ADGRL4: variants seen among roughly 807,000 people sequenced by gnomAD.
ADGRL4 encodes EGF, latrophilin and seven transmembrane domain containing 1.
ADGRL4 carries 90 observed loss-of-function variants against 74.8 expected under a neutral mutation model. The ratio of observed to expected loss-of-function variants is 1.20; its 90% CI spans 1.02 to 1.43. The LOEUF (loss-of-function observed/expected upper bound fraction) is 1.43, where lower values mean the gene tolerates loss of function less well. Among genes scored for constraint, ADGRL4 ranks in the 40% most tolerant of loss-of-function variants. The probability of loss-of-function intolerance (pLI) is 0.00; values close to 1 mark genes in which losing one functional copy is unlikely to be tolerated. For synonymous variants in ADGRL4, 311 were observed against 279.2 expected (o/e 1.11, Z -1.14); for missense variants, 881 against 814.3 (o/e 1.08, Z -1.00).
Position 78,936,417 on chromosome 1 carries a change from A to G in ADGRL4, c.761-6T>C. 1.3e-6 allele frequency: 2 copies of G among 1,563,886 alleles called. No individual in the cohort carries two copies. Among genetic ancestry groups the G allele is most frequent in the Non-Finnish European group, 1.7e-6 (2 of 1,160,322 alleles). On this transcript the variant is annotated splice_polypyrimidine_tract_variant and splice_region_variant and intron_variant, in intron 6 of 14. Transcript: ENST00000370742. Reference sequence around the variant, plus strand: ...AAAAAAGAAAACTTTGAGAGCTGAAACAAAACCATGAAAATAAAAAAAGTG... The same window carrying G: ...AAAAAAGAAAACTTTGAGAGCTGAAGCAAAACCATGAAAATAAAAAAAGTG...
At chr1:78,919,508 G>T (rs957091335) in intron 10 of ADGRL4, among the ~76,000 whole-genome samples, 4 of 151,866 alleles carry the variant, frequency 2.6e-5, no homozygotes, top group Admixed American at 6.6e-5. Context: ...CTTTTCCTTA[G>T]AACTGCATTA....
intron 2 of ADGRL4, among the ~76,000 whole-genome samples, chr1:78,985,489 T>C (rs904030628): frequency 1.4e-4 from 22 of 151,822 alleles, no homozygotes; most frequent in African/African-American, 4.6e-4. Flanking sequence ...AATTTAAGAA[T>C]AGTATGTTAA....
chr1:78,987,887 A>C (rs944979708), intron 2 of ADGRL4, among the ~76,000 whole-genome samples: 22 of 151,688 alleles, frequency 1.5e-4, no homozygotes, highest in African/African-American at 4.8e-4. Flanking sequence ...ATTCAATCTT[A>C]TTGCTCTATT....
intron 2 of ADGRL4, among the ~76,000 whole-genome samples, chr1:78,975,998 A>G (rs1650270129): frequency 6.6e-6 from 1 of 152,120 alleles, no homozygotes; most frequent in Middle Eastern, 3.4e-3. Flanking sequence ...AGATAAGTTT[A>G]AAAAATGAGA....
chr1:78,943,723 C>T (rs919863041), intron 3 of ADGRL4, among the ~76,000 whole-genome samples: 3 of 152,126 alleles, frequency 2.0e-5, no homozygotes, highest in East Asian at 1.9e-4. Flanking sequence ...TATTGTGCAA[C>T]GAAAATTACT....
At chr1:78,932,952 A>AT (rs1464735030) in intron 7 of ADGRL4, among the ~76,000 whole-genome samples, 1 of 151,454 alleles carries the variant, frequency 6.6e-6, no homozygotes, top group Non-Finnish European at 1.5e-5. Flanking sequence ...AAACAAAAAA[A>AT]GCCCAGAGCC....
intron 2 of ADGRL4, among the ~76,000 whole-genome samples, chr1:78,983,574 G>A (rs538396154): frequency 6.6e-6 from 1 of 151,882 alleles, no homozygotes; most frequent in Admixed American, 6.6e-5. Flanking sequence ...CAAAGAGATA[G>A]AAGATGTTGA....
intron 3 of ADGRL4, among the ~76,000 whole-genome samples, chr1:78,940,755 A>G (rs1368507380): frequency 6.6e-6 from 1 of 152,190 alleles, no homozygotes; most frequent in Non-Finnish European, 1.5e-5. Flanking sequence ...AAGGGTGTGT[A>G]ACCAAAGTCT....
intron 7 of ADGRL4, among the ~76,000 whole-genome samples, chr1:78,928,869 C>T (rs367598137): frequency 2.0e-5 from 3 of 151,600 alleles, no homozygotes; most frequent in East Asian, 3.9e-4. Flanking sequence ...TAGAAAACTA[C>T]TGGGGTGACA....
At chr1:78,908,861 T>C (rs1195406494) in intron 12 of ADGRL4, among the ~76,000 whole-genome samples, 1 of 152,016 alleles carries the variant, frequency 6.6e-6, no homozygotes, top group African/African-American at 2.4e-5. Flanking sequence ...TTTTCTACTA[T>C]GTGTCTTAAG....
chr1:78,959,961 C>A (rs758248649), intron 2 of ADGRL4, among the ~76,000 whole-genome samples: 1 of 152,026 alleles, frequency 6.6e-6, no homozygotes, highest in Non-Finnish European at 1.5e-5. Flanking sequence ...AGCCTAAATG[C>A]CCAACACAAA....
At chr1:78,991,821 G>A (rs777110846) in intron 2 of ADGRL4, among the ~76,000 whole-genome samples, 4 of 151,802 alleles carry the variant, frequency 2.6e-5, no homozygotes, top group Non-Finnish European at 4.4e-5. Flanking sequence ...CCTTCTAATG[G>A]CAAAAAGGGA....
intron 12 of ADGRL4, 109 bp downstream of exon 12, chr1:78,917,525 A>G (rs559213060): frequency 1.6e-6 from 1 of 632,670 alleles, no homozygotes; most frequent in Non-Finnish European, 2.7e-6. Context: ...GATATACTGT[A>G]AAATATTCAA....
intron 7 of ADGRL4, 97 bp downstream of exon 7, chr1:78,936,198 A>G (rs1649348455): frequency 3.2e-6 from 4 of 1,269,474 alleles, no homozygotes; most frequent in Non-Finnish European, 4.3e-6. Context: ...TTTATAGGAA[A>G]CCACATGTTA....
chr1:78,926,911 A>T lies in ADGRL4; in HGVS notation c.1058T>A (p.Ile353Lys). The T allele has an allele frequency of 1.2e-6, 2 of 1,611,684 alleles. No homozygotes were observed. Among genetic ancestry groups the T allele is most frequent in the Non-Finnish European group, 8.5e-7 (1 of 1,178,562 alleles). Reference sequence around the variant, plus strand: ...CTTTCGATGACTTAATGTAAATGTTATTTTTTCAAGTTCATATAATGTGGG... The same window carrying T: ...CTTTCGATGACTTAATGTAAATGTTTTTTTTTCAAGTTCATATAATGTGGG... The part of the protein sequence containing the change: ...NPPTLYELEK[I>K]TFTLSHRKVT... The change falls in exon 8 of 15, where the codon ATA (isoleucine) becomes AAA (lysine). Residue 353 changes from isoleucine to lysine, a missense_variant. By Grantham distance (102) the Ile-to-Lys change is moderately radical. Coordinates refer to ENST00000370742, the MANE Select transcript of ADGRL4 (RefSeq NM_022159.4).
chr1:78,903,542 T>C (rs1019952749), intron 12 of ADGRL4, among the ~76,000 whole-genome samples: 2 of 152,144 alleles, frequency 1.3e-5, no homozygotes, highest in Non-Finnish European at 2.9e-5. Context: ...TGGATTTAGA[T>C]CCACAGTTTT....
intron 2 of ADGRL4, among the ~76,000 whole-genome samples, chr1:79,001,019 T>C (rs1277318154): frequency 6.6e-6 from 1 of 152,086 alleles, no homozygotes; most frequent in East Asian, 1.9e-4. Context: ...GTGAGATATA[T>C]ACTTGTAATT....
At chr1:78,971,446 G>T (rs999717544) in intron 2 of ADGRL4, among the ~76,000 whole-genome samples, 34 of 152,052 alleles carry the variant, frequency 2.2e-4, no homozygotes, top group African/African-American at 8.2e-4. Flanking sequence ...TGGAGCCATG[G>T]GAAGTTCACA....
At chr1:78,921,950 A>G (rs1649010877) in intron 8 of ADGRL4, among the ~76,000 whole-genome samples, 164 bp from the exon 9 acceptor site, 1 of 152,082 alleles carries the variant, frequency 6.6e-6, no homozygotes, top group South Asian at 2.1e-4. Context: ...GGAAATTTAT[A>G]TTGCAACAAT....
Sources: gnomAD v4.1 joint callset for allele counts (sites outside exome capture counted in the v4.1 genomes callset) on GRCh38, gnomAD v4.1.1 for gene constraint, MANE v1.5 for transcripts, NCBI Gene and HGNC (gene_info 2026-07-23, HGNC 2026-07-21) for gene names.